The following EPB41L2 variants were observed in gnomAD, a reference collection of about 807,000 sequenced individuals.
EPB41L2 encodes the protein erythrocyte membrane protein band 4.1 like 2.
Under a neutral mutation model 113.0 loss-of-function variants are expected in EPB41L2, and 43 were observed. That is an observed-to-expected ratio of 0.38 (90% CI 0.30 to 0.49). The LOEUF (loss-of-function observed/expected upper bound fraction) is 0.49, where lower values mean the gene tolerates loss of function less well. Ranked by LOEUF, EPB41L2 falls within the 20% of genes least tolerant of loss-of-function variation. The probability of loss-of-function intolerance (pLI) is 0.95; values close to 1 mark genes in which losing one functional copy is unlikely to be tolerated. For missense variants in EPB41L2, 1,147 were observed against 1,223.4 expected (o/e 0.94, Z 0.93); for synonymous variants, 442 against 436.7 (o/e 1.01, Z -0.15).
rs1796110702 is a variant in EPB41L2, at chr6:130,900,953, G to A, written c.1148+9C>T. On this transcript the variant is annotated intron_variant, in intron 7 of 19. Transcript: ENST00000337057. ...ATGGCCATTCTCTCCAGTAAGCAAGGCAACAGACCTGTGGGTTTTGTGCAG... is the reference window on the plus strand; with the variant it reads ...ATGGCCATTCTCTCCAGTAAGCAAGACAACAGACCTGTGGGTTTTGTGCAG... 1 of 1,613,880 alleles carries A rather than the reference G, an allele frequency of 6.2e-7. No individual in the cohort carries two copies.
chr6:130,846,259 T>G (rs1777017657), intron 19 of EPB41L2, among the ~76,000 whole-genome samples: 2 of 152,208 alleles, frequency 1.3e-5, no homozygotes, highest in African/African-American at 4.8e-5. Context: ...ACATATATAG[T>G]CTTTCTAGAC....
At chr6:130,984,487 C>A (rs768762223) in intron 1 of EPB41L2, among the ~76,000 whole-genome samples, 6 of 152,140 alleles carry the variant, frequency 3.9e-5, no homozygotes, top group African/African-American at 1.4e-4. Context: ...ACCATGGGAA[C>A]AATGTCACCA....
At chr6:131,030,270 T>G (rs1791870915) in intron 1 of EPB41L2, among the ~76,000 whole-genome samples, 1 of 152,214 alleles carries the variant, frequency 6.6e-6, no homozygotes, top group Admixed American at 6.5e-5. Flanking sequence ...AGGGCCCTCC[T>G]TGGGGCTGGA....
In EPB41L2 at chr6:130,885,089, A is replaced by C; in HGVS notation, c.1833+7T>G. 6.2e-7 allele frequency: 1 copy of C among 1,613,984 alleles called. No individual in the cohort carries two copies. Among genetic ancestry groups the C allele is most frequent in the Non-Finnish European group, 8.5e-7 (1 of 1,179,932 alleles). On this transcript the variant is annotated splice_region_variant and intron_variant, in intron 12 of 19. Coordinates refer to ENST00000337057, the MANE Select transcript of EPB41L2 (RefSeq NM_001431.4). ...TTAAAACCACATACTGTGCTAATTT[A>C]CCATACCTTTCCTTCAATGAGCTGC... is the stretch of plus-strand genomic sequence containing the variant.
intron 1 of EPB41L2, among the ~76,000 whole-genome samples, chr6:131,016,567 AACTC>A (rs1175406600): frequency 1.3e-5 from 2 of 151,612 alleles, no homozygotes; most frequent in Non-Finnish European, 2.9e-5. Context: ...GAATGGGAAA[AACTC>A]ACAGCCCTTA....
Position 130,845,191 on chromosome 6 carries a change from G to A in EPB41L2, c.*6-4593C>T, listed in dbSNP as rs552125644. Among the ~76,000 whole-genome samples, 9 of 152,276 alleles carry A rather than the reference G, an allele frequency of 5.9e-5. No individual in the cohort carries two copies. In the South Asian group the frequency reaches 1.9e-3, roughly 32 times the overall value. ...ACGAAGTGTAGCCTGCAGCCCCTGA[G>A]GACTGCTGAGTCTCTTTAAGGGGAC... On this transcript the variant is annotated intron_variant, in intron 19 of 19. Coordinates refer to ENST00000337057, the MANE Select transcript of EPB41L2 (RefSeq NM_001431.4).
At chr6:130,849,701 A>G (rs1194476515) in intron 19 of EPB41L2, among the ~76,000 whole-genome samples, 1 of 152,260 alleles carries the variant, frequency 6.6e-6, no homozygotes, top group African/African-American at 2.4e-5. Flanking sequence ...TGTGTGTAGC[A>G]TATGTATGCA....
Position 130,975,127 on chromosome 6 carries a change from C to T in EPB41L2, c.-14-18628G>A, listed in dbSNP as rs188462146. ...ACTTATTTCCAATATGATTTAAATA[C>T]ATTTGAGTACACAAAATATATAGGA... On this transcript the variant is annotated intron_variant, in intron 1 of 19. Transcript: ENST00000337057. Among the ~76,000 whole-genome samples the T allele has an allele frequency of 2.3e-3, 352 of 152,206 alleles. 2 individuals are homozygous for T. The highest frequency in any genetic ancestry group is 3.1e-3 in the Admixed American group (47 of 15,300).
At chr6:130,865,253 T>A (rs7770860) in intron 17 of EPB41L2, among the ~76,000 whole-genome samples, 1 of 152,094 alleles carries the variant, frequency 6.6e-6, no homozygotes, top group Non-Finnish European at 1.5e-5. Context: ...TTTGTTTTTA[T>A]AAATTATAAA....
intron 5 of EPB41L2, among the ~76,000 whole-genome samples, chr6:130,907,095 T>C (rs1797956125): frequency 6.6e-6 from 1 of 151,884 alleles, no homozygotes; most frequent in African/African-American, 2.4e-5. Context: ...AAAATAATAA[T>C]AATAATCAAA....
At chr6:130,874,987 C>T (rs1472291931) in intron 14 of EPB41L2, among the ~76,000 whole-genome samples, 2 of 152,188 alleles carry the variant, frequency 1.3e-5, no homozygotes, top group African/African-American at 4.8e-5. Context: ...TTAAAGTCCT[C>T]ATTATACACA....
rs767990967 is a variant in EPB41L2, at chr6:130,901,087, C to A, written c.1023G>T (p.Leu341=). ...GGTCATAGTCACCAAGTTCAGCCTG[C>A]AGGGTGTAGGATCCCAGGAGAGCAT... is the stretch of plus-strand genomic sequence containing the variant. The part of the protein sequence containing the change: ...VTHALLGSYT[L]QAELGDYDPE... The change falls in exon 7 of 20, where the codon CTG becomes CTT. Residue 341 remains leucine (L), a synonymous_variant. Transcript: ENST00000337057. The A allele has an allele frequency of 6.2e-6, 10 of 1,614,080 alleles. No individual in the cohort carries two copies. The highest frequency in any genetic ancestry group is 1.1e-5 in the South Asian group (1 of 91,076).
chr6:130,888,186 C>T (rs1791647775), intron 11 of EPB41L2, among the ~76,000 whole-genome samples: 1 of 152,144 alleles, frequency 6.6e-6, no homozygotes, highest in African/African-American at 2.4e-5. Context: ...TGCCAGGTTA[C>T]AGCCTAGCTT....
intron 1 of EPB41L2, among the ~76,000 whole-genome samples, chr6:130,958,414 T>C (rs1818194186): frequency 1.4e-5 from 2 of 144,660 alleles, no homozygotes; most frequent in Non-Finnish European, 3.0e-5. Flanking sequence ...ATTGTGTCAC[T>C]GCACTCCAGT....
intron 3 of EPB41L2, among the ~76,000 whole-genome samples, chr6:130,953,160 T>C (rs1489205450): frequency 1.3e-5 from 2 of 151,594 alleles, no homozygotes; most frequent in African/African-American, 4.9e-5. Context: ...ATTTCTAGGA[T>C]AGGTAGGAAA....
At chr6:130,879,523 G>A (rs1002450240) in intron 13 of EPB41L2, among the ~76,000 whole-genome samples, 1 of 152,140 alleles carries the variant, frequency 6.6e-6, no homozygotes, top group African/African-American at 2.4e-5. Context: ...ATGTTCTCAC[G>A]TGACACGGGG....
At chr6:131,003,443 C>T (rs1784789452) in intron 1 of EPB41L2, among the ~76,000 whole-genome samples, 1 of 152,208 alleles carries the variant, frequency 6.6e-6, no homozygotes, top group Non-Finnish European at 1.5e-5. Flanking sequence ...CAGAGCTCTT[C>T]AGCCTCTTCG....
At chr6:130,906,336 T>G (rs996888235) in intron 5 of EPB41L2, among the ~76,000 whole-genome samples, 3 of 81,094 alleles carry the variant, frequency 3.7e-5, no homozygotes, top group African/African-American at 2.0e-4. Flanking sequence ...AACTGACAAT[T>G]AAAAATGGTA....
At chr6:130,870,517 A>G in intron 14 of EPB41L2, 1 of 913,530 alleles carries the variant, frequency 1.1e-6, no homozygotes, top group Non-Finnish European at 1.7e-6. Flanking sequence ...AAGGTCACAT[A>G]GAGGACAATC....
Sources: allele counts gnomAD v4.1 joint callset (sites outside exome capture counted in the v4.1 genomes callset), GRCh38; gene constraint gnomAD v4.1.1; transcripts MANE v1.5; gene names NCBI Gene and HGNC (gene_info 2026-07-23, HGNC 2026-07-21).